CCSER1: variants seen among roughly 807,000 people sequenced by gnomAD.
CCSER1 encodes the protein serine-rich coiled-coil domain-containing protein 1.
CCSER1 carries 41 observed loss-of-function variants against 82.0 expected under a neutral mutation model. The observed-to-expected ratio is 0.50, with a 90% CI of 0.39 to 0.65. CCSER1 has a LOEUF of 0.65. Ranked by LOEUF, CCSER1 falls within the 30% of genes least tolerant of loss-of-function variation. The probability of loss-of-function intolerance (pLI) is 0.00; values close to 1 mark genes in which losing one functional copy is unlikely to be tolerated. For synonymous variants in CCSER1, 414 were observed against 383.9 expected (o/e 1.08, Z -0.92); for missense variants, 1,119 against 1,064.2 (o/e 1.05, Z -0.72).
intron 1 of CCSER1, among the ~76,000 whole-genome samples, chr4:90,184,250 G>A (rs914925488): frequency 2.6e-5 from 4 of 152,120 alleles, no homozygotes; most frequent in African/African-American, 9.7e-5. Flanking sequence ...TAGACAAGAA[G>A]GCTCTCATTT....
At chr4:91,109,560 C>T (rs976407387) in intron 10 of CCSER1, among the ~76,000 whole-genome samples, 2 of 151,632 alleles carry the variant, frequency 1.3e-5, no homozygotes, top group African/African-American at 4.8e-5. Flanking sequence ...TCCAATTTTG[C>T]CTTGAAAAGA....
rs577219604 is a variant in CCSER1 at position 90,251,036 on chromosome 4, A to G, written c.-41-57208A>G. 1.2e-3 allele frequency among the ~76,000 whole-genome samples: 189 copies of G among 152,004 alleles called. 2 individuals are homozygous for G. Among genetic ancestry groups the G allele is most frequent in the Non-Finnish European group, 1.8e-3 (121 of 67,820 alleles). The stretch of plus-strand genomic sequence containing the variant: ...ATTGATTTTGGTGTATTCATCTTGT[A>G]TCTGTCAACCTTATCAAACTTGTTT... On this transcript the variant is annotated intron_variant, in intron 1 of 10. Coordinates refer to ENST00000509176, the MANE Select transcript of CCSER1 (RefSeq NM_001145065.2).
At chr4:90,994,053 G>A (rs992103555) in intron 9 of CCSER1, among the ~76,000 whole-genome samples, 1 of 151,892 alleles carries the variant, frequency 6.6e-6, no homozygotes, top group African/African-American at 2.4e-5. Flanking sequence ...AATTTATTTA[G>A]CTGGGTGCAC....
chr4:91,052,568 G>A (rs1050472314), intron 9 of CCSER1, among the ~76,000 whole-genome samples: 3 of 152,008 alleles, frequency 2.0e-5, no homozygotes, highest in Non-Finnish European at 4.4e-5. Flanking sequence ...CCTAAAATCT[G>A]TTTCTTAGAT....
chr4:90,438,848 A>G (rs1391613097), intron 4 of CCSER1, among the ~76,000 whole-genome samples: 1 of 152,088 alleles, frequency 6.6e-6, no homozygotes, highest in African/African-American at 2.4e-5. Flanking sequence ...TTGATTCTGA[A>G]TCATTAGAAA....
intron 3 of CCSER1, among the ~76,000 whole-genome samples, chr4:90,318,781 T>G (rs1236653105): frequency 6.6e-6 from 1 of 152,248 alleles, no homozygotes; most frequent in Non-Finnish European, 1.5e-5. Context: ...AATTCTTCAT[T>G]TCTTCATTCA....
chr4:90,899,418 C>A (rs1300600315), intron 8 of CCSER1, among the ~76,000 whole-genome samples: 1 of 152,022 alleles, frequency 6.6e-6, no homozygotes, highest in Non-Finnish European at 1.5e-5. Context: ...TTGACTTCCT[C>A]TCTTTTATTT....
At chr4:90,190,981 A>G (rs572609441) in intron 1 of CCSER1, among the ~76,000 whole-genome samples, 2 of 152,194 alleles carry the variant, frequency 1.3e-5, no homozygotes, top group Admixed American at 6.6e-5. Flanking sequence ...AGTTTATGCT[A>G]TGTTCTTTAA....
At chr4:90,757,208 C>T (rs115978444) in intron 7 of CCSER1, among the ~76,000 whole-genome samples, 1,900 of 152,142 alleles carry the variant, frequency 0.012, 43 homozygotes, top group African/African-American at 0.044. Flanking sequence ...GAGGCAAAAC[C>T]CCATTCTATA....
intron 10 of CCSER1, among the ~76,000 whole-genome samples, chr4:91,274,134 AAAAT>A (rs1306066353): frequency 6.6e-6 from 1 of 152,188 alleles, no homozygotes; most frequent in Non-Finnish European, 1.5e-5. Flanking sequence ...ATCTTATTAA[AAAAT>A]AAATTTGGCT....
chr4:90,295,518 A>C (rs1191412184), intron 1 of CCSER1, among the ~76,000 whole-genome samples: 2 of 151,426 alleles, frequency 1.3e-5, no homozygotes, highest in Non-Finnish European at 2.9e-5. Flanking sequence ...GGCTCATAGG[A>C]GTTCTTTCTA....
intron 10 of CCSER1, among the ~76,000 whole-genome samples, chr4:91,252,648 A>T (rs1740339192): frequency 2.0e-5 from 3 of 152,164 alleles, no homozygotes; most frequent in Admixed American, 2.0e-4. Flanking sequence ...ATGCATAAAG[A>T]CACAATTCTG....
intron 10 of CCSER1, among the ~76,000 whole-genome samples, chr4:91,487,895 A>G (rs1250840432): frequency 1.3e-5 from 2 of 152,032 alleles, no homozygotes; most frequent in African/African-American, 4.8e-5. Flanking sequence ...CACAGATATG[A>G]CATGGTATAC....
At chr4:91,146,284 C>T (rs1340436415) in intron 10 of CCSER1, among the ~76,000 whole-genome samples, 2 of 152,128 alleles carry the variant, frequency 1.3e-5, no homozygotes, top group African/African-American at 4.8e-5. Context: ...TCAGTGGGTT[C>T]CTTCTTAATA....
At chr4:91,095,454 T>A (rs768692779) in intron 10 of CCSER1, among the ~76,000 whole-genome samples, 2 of 152,054 alleles carry the variant, frequency 1.3e-5, no homozygotes, top group Non-Finnish European at 2.9e-5. Flanking sequence ...GCCTTCACCC[T>A]CCTTATGGCT....
chr4:91,102,143 C>G (rs889230460), intron 10 of CCSER1, among the ~76,000 whole-genome samples: 5 of 151,986 alleles, frequency 3.3e-5, no homozygotes, highest in Admixed American at 3.3e-4. Flanking sequence ...ACTGTTGATG[C>G]CACAAAAGAC....
chr4:90,851,573 CT>C (rs35593031), intron 8 of CCSER1, among the ~76,000 whole-genome samples: 31,057 of 129,662 alleles, frequency 0.24, 3,310 homozygotes, highest in African/African-American at 0.25. Context: ...ACTTATAGAG[CT>C]TTTTTTTTTT....
rs375977775 is a variant in CCSER1 at position 90,338,436 on chromosome 4, C to T, written c.1509+25389C>T. Among the ~76,000 whole-genome samples the T allele has an allele frequency of 9.2e-5, 14 of 152,282 alleles. No individual in the cohort carries two copies. The East Asian group carries it at 2.1e-3, about 23-fold the overall frequency. On this transcript the variant is annotated intron_variant, in intron 3 of 10. Transcript: ENST00000509176. Reference sequence around the variant, plus strand: ...AGAATTGAAAAATTGAAGTTCCTAACAATGTTCATTCTTTTGCAGCTTACA... The same window carrying T: ...AGAATTGAAAAATTGAAGTTCCTAATAATGTTCATTCTTTTGCAGCTTACA...
chr4:90,180,134 AT>A lies in CCSER1; in HGVS notation c.-42+52304del, dbSNP rs1346524663. Among the ~76,000 whole-genome samples, 60 of 148,802 alleles carry A rather than the reference AT, an allele frequency of 4.0e-4. 1 individual carries two copies. Among genetic ancestry groups the A allele is most frequent in the South Asian group, 2.7e-3 (13 of 4,778 alleles). On this transcript the variant is annotated intron_variant, in intron 1 of 10. Coordinates refer to ENST00000509176, the MANE Select transcript of CCSER1 (RefSeq NM_001145065.2). ...TGCTTATGTAGTTATATATATATAT[AT>A]ATATATAAATTATATTTTGCTTTTG... is the stretch of plus-strand genomic sequence containing the variant.
Sources: gnomAD v4.1 joint callset for allele counts (sites outside exome capture counted in the v4.1 genomes callset) on GRCh38, gnomAD v4.1.1 for gene constraint, MANE v1.5 for transcripts, NCBI Gene and HGNC (gene_info 2026-07-23, HGNC 2026-07-21) for gene names.